Variants in ZNF44 observed in about 807,000 individuals in gnomAD.
The protein encoded by ZNF44 is zinc finger protein 44, also known as gonadotropin inducible transcription repressor-2.
In ZNF44, 9 loss-of-function variants were observed where a neutral mutation model predicts 11.7. The ratio of observed to expected loss-of-function variants is 0.77; its 90% CI spans 0.46 to 1.35. The LOEUF (loss-of-function observed/expected upper bound fraction) is 1.35, where lower values mean the gene tolerates loss of function less well. Ranked by LOEUF, ZNF44 falls within the 40% of genes most tolerant of loss-of-function variation. The pLI, the probability that ZNF44 is intolerant of heterozygous loss-of-function variation, is 0.00. For missense variants in ZNF44, 696 were observed against 743.1 expected, an observed-to-expected ratio of 0.94 and a Z score of 0.74; for synonymous variants, 224 against 242.7, an observed-to-expected ratio of 0.92 and a Z score of 0.72.
In ZNF44 at chr19:12,237,039, T is replaced by C. The variant is rs978863793; in HGVS notation, n.138+413A>G. 55 of 152,220 alleles carry C rather than the reference T, an allele frequency of 3.6e-4. 3 individuals carry two copies. The highest frequency in any genetic ancestry group is 5.9e-5 in the Non-Finnish European group (4 of 68,060). The allele number at this position is 152,220 out of a possible 1,614,324, so 9.4% of individuals were successfully genotyped here. A position where few individuals can be genotyped will look rare whatever the true frequency, so the allele number is the denominator to read the frequency against. On this transcript the variant is annotated intron_variant and non_coding_transcript_variant, in intron 1 of 3. Coordinates refer to the ZNF44 transcript ENST00000597563. ...CATGGTTGGGTTATTCATGAATTGC[T>C]CTTGGCTAAATAGTTAAATATTTAA...
rs775210149 is a variant in ZNF44, at chr19:12,272,333, C to T, written c.*74G>A. ...ACTTCTTAAGGCTTTACCACGTTTACATTCACAGGATTTATTTCTTTCAAG... is the reference window on the plus strand; with the variant it reads ...ACTTCTTAAGGCTTTACCACGTTTATATTCACAGGATTTATTTCTTTCAAG... On this transcript the variant is annotated 3_prime_UTR_variant, in exon 4 of 4. Transcript: ENST00000355684. The T allele has an allele frequency of 4.2e-6, 6 of 1,437,028 alleles. No homozygotes were observed. The East Asian group carries it at 7.6e-5, about 18-fold the overall frequency. 89.0% of individuals were successfully genotyped at this position (1,437,028 alleles called of 1,614,324 possible).
intron 1 of ZNF44, 153 bp from the exon 2 acceptor site, chr19:12,276,235 G>C (rs1967214624): frequency 5.0e-6 from 6 of 1,196,110 alleles, no homozygotes; most frequent in Non-Finnish European, 7.1e-6. Context: ...TGCACTCACT[G>C]TCTGATGCTG....
chr19:12,227,369 G>A (rs1915963742), intron 3 of ZNF44, among the ~76,000 whole-genome samples: 1 of 152,208 alleles, frequency 6.6e-6, no homozygotes, highest in Non-Finnish European at 1.5e-5. Flanking sequence ...GGGAGGCCAA[G>A]GCAGGCAGAT....
chr19:12,233,189 C>T (rs571829758), intron 2 of ZNF44, among the ~76,000 whole-genome samples: 3 of 152,178 alleles, frequency 2.0e-5, no homozygotes, highest in Non-Finnish European at 2.9e-5. Context: ...AACCCCCCTC[C>T]GGCCAGAAAG....
downstream of ZNF44, among the ~76,000 whole-genome samples, chr19:12,269,072 C>T (rs547356045): frequency 1.3e-5 from 2 of 152,170 alleles, no homozygotes; most frequent in South Asian, 4.1e-4. Context: ...GGGAAGCACT[C>T]CAACCACAAG....
chr19:12,289,115 G>A (rs574663644), intron 1 of ZNF44, among the ~76,000 whole-genome samples: 66 of 151,840 alleles, frequency 4.3e-4, no homozygotes, highest in African/African-American at 1.6e-3. Flanking sequence ...GACCAGCCTG[G>A]GCAACATGGT....
chr19:12,263,716 G>C (rs1356046830), intron 5 of ZNF44, among the ~76,000 whole-genome samples: 5 of 151,730 alleles, frequency 3.3e-5, no homozygotes, highest in Non-Finnish European at 5.9e-5. Context: ...ACGAGGTCAG[G>C]AGATCGAGAC....
rs749373243 is a variant in ZNF44, at chr19:12,272,492, T to C, written c.1763A>G (p.Tyr588Cys). 7 of 1,611,268 alleles carry C rather than the reference T, an allele frequency of 4.3e-6. No individual in the cohort carries two copies. The highest frequency in any genetic ancestry group is 1.3e-5 in the African/African-American group (1 of 74,854). The change falls in exon 4 of 4, where the codon TAT becomes TGT. Residue 588 changes from tyrosine to cysteine, a missense_variant. Transcript: ENST00000355684. ...GGCTTTCCCACATTCCTTACATTCA[T>C]AGGGCTTCTCTCCAGTGTGAGTTCT... ...HERTHTGEKP[Y>C]ECKECGKAFS...
chr19:12,253,187 C>CTTTTTTT (rs763591024), intron 5 of ZNF44, among the ~76,000 whole-genome samples: 1 of 110,244 alleles, frequency 9.1e-6, no homozygotes, highest in African/African-American at 3.5e-5. Flanking sequence ...CTGCACCTGG[C>CTTTTTTT]TTTTTTTTTT....
Position 12,260,962 on chromosome 19 carries a change from A to C in ZNF44, c.1913-10594T>G, listed in dbSNP as rs1007093995. On this transcript the variant is annotated intron_variant and NMD_transcript_variant, in intron 5 of 7. Coordinates refer to the ZNF44 transcript ENST00000393337. ...CAGCACCAACTGCTAGTCACCTAGA[A>C]GGGCGAGGCTGCAATGATGACACTG... Among the ~76,000 whole-genome samples, 4 of 152,362 alleles carry C rather than the reference A, an allele frequency of 2.6e-5. 1 individual carries two copies. Among genetic ancestry groups the C allele is most frequent in the African/African-American group, 9.6e-5 (4 of 41,586 alleles).
intron 1 of ZNF44, among the ~76,000 whole-genome samples, chr19:12,289,356 T>A (rs915490410): frequency 5.3e-5 from 8 of 152,018 alleles, no homozygotes; most frequent in African/African-American, 1.7e-4. Context: ...TATTTAAGTT[T>A]CTCTCTTTCT....
At chr19:12,248,543 T>G (rs1916851126) in exon 8 of ZNF44, 5 of 1,291,026 alleles carry the variant, frequency 3.9e-6, no homozygotes, top group Non-Finnish European at 2.0e-6. Flanking sequence ...TCAAGACTTT[T>G]CCACATACAC....
chr19:12,283,233 T>G (rs931953444), intron 1 of ZNF44, among the ~76,000 whole-genome samples: 5 of 152,128 alleles, frequency 3.3e-5, no homozygotes, highest in African/African-American at 1.2e-4. Flanking sequence ...GAGATAAAGT[T>G]TATAGCCAGT....
At chr19:12,237,135 G>A (rs781256887) in intron 1 of ZNF44, 1 of 152,356 alleles carries the variant, frequency 6.6e-6, no homozygotes, top group African/African-American at 2.4e-5. Context: ...CTCCTCCCAG[G>A]AGAACCCCAC....
downstream of ZNF44, among the ~76,000 whole-genome samples, chr19:12,268,834 G>A (rs1917837297): frequency 6.6e-6 from 1 of 150,516 alleles, no homozygotes; most frequent in South Asian, 2.1e-4. Context: ...ATCTCACCCT[G>A]CCAAGCTCAA....
chr19:12,273,198 G>C lies in ZNF44; in HGVS notation c.1057C>G (p.Arg353Gly), dbSNP rs762646432. The change falls in exon 4 of 4, where the codon CGA becomes GGA. Residue 353 changes from arginine to glycine, a missense_variant. Physicochemically the swap from Arg to Gly is moderately radical, Grantham distance 125. Coordinates refer to ENST00000355684, the MANE Select transcript of ZNF44 (RefSeq NM_016264.4). Reference sequence around the variant, plus strand: ...AGAGTGTGAGTTCCTTCATGAATTCGTGCTGAACCAGGAAAATCAAAGCCT... The same window carrying C: ...AGAGTGTGAGTTCCTTCATGAATTCCTGCTGAACCAGGAAAATCAAAGCCT... ...GKGFDFPGSARIHEGTHTLEK... is the reference protein window; with the variant it reads ...GKGFDFPGSAGIHEGTHTLEK... 5 of 1,613,862 alleles carry C rather than the reference G, an allele frequency of 3.1e-6. No homozygotes were observed. In the South Asian group the frequency reaches 4.4e-5, roughly 14 times the overall value.
At chr19:12,230,953 C>G (rs1269449422) in intron 2 of ZNF44, among the ~76,000 whole-genome samples, 3 of 152,092 alleles carry the variant, frequency 2.0e-5, no homozygotes, top group Non-Finnish European at 4.4e-5. Context: ...TAGCATGTCT[C>G]TGGTCTGGGA....
At chr19:12,289,549 G>A (rs1351948619) in intron 1 of ZNF44, among the ~76,000 whole-genome samples, 1 of 151,232 alleles carries the variant, frequency 6.6e-6, no homozygotes, top group Non-Finnish European at 1.5e-5. Context: ...TCTTCACCTT[G>A]AAAACAACTT....
At chr19:12,264,468 T>C (rs1320170669) in intron 5 of ZNF44, among the ~76,000 whole-genome samples, 2 of 152,132 alleles carry the variant, frequency 1.3e-5, no homozygotes, top group African/African-American at 4.8e-5. Context: ...AAAAACCCAG[T>C]GTTTCAAGAA....
Sources: gnomAD v4.1 joint callset for allele counts (sites outside exome capture counted in the v4.1 genomes callset) on GRCh38, gnomAD v4.1.1 for gene constraint, MANE v1.5 for transcripts, NCBI Gene and HGNC (gene_info 2026-07-23, HGNC 2026-07-21) for gene names.